ATP6V1H: variants seen among roughly 807,000 people sequenced by gnomAD.
ATP6V1H encodes V-type proton ATPase subunit H.
ATP6V1H carries 39 observed loss-of-function variants against 71.7 expected under a neutral mutation model. The ratio of observed to expected loss-of-function variants is 0.54; its 90% confidence interval spans 0.42 to 0.71. ATP6V1H has a LOEUF of 0.71. ATP6V1H is among the 30% of genes least tolerant of loss of function. The probability of loss-of-function intolerance (pLI) is 0.00; values close to 1 mark genes in which losing one functional copy is unlikely to be tolerated. For missense variants in ATP6V1H, 509 were observed against 594.9 expected (o/e 0.86, Z 1.50); for synonymous variants, 192 against 199.3 (o/e 0.96, Z 0.31).
intron 10 of ATP6V1H, among the ~76,000 whole-genome samples, chr8:53,771,410 C>T (rs1002382088): frequency 6.6e-6 from 1 of 152,052 alleles, no homozygotes; most frequent in African/African-American, 2.4e-5. Context: ...ATATGCAGAG[C>T]CCAATTTGTG....
chr8:53,754,850 G>A (rs1807941516), intron 12 of ATP6V1H, among the ~76,000 whole-genome samples: 1 of 152,122 alleles, frequency 6.6e-6, no homozygotes, highest in Non-Finnish European at 1.5e-5. Context: ...TCAAATAATT[G>A]AGTCCTTATT....
At chr8:53,768,450 A>T (rs1247215162) in intron 11 of ATP6V1H, among the ~76,000 whole-genome samples, 1 of 152,220 alleles carries the variant, frequency 6.6e-6, no homozygotes, top group East Asian at 1.9e-4. Context: ...ACAGCAAGAC[A>T]AATGAAAACA....
intron 2 of ATP6V1H, among the ~76,000 whole-genome samples, chr8:53,837,277 G>C (rs1811188156): frequency 6.6e-6 from 1 of 152,084 alleles, no homozygotes; most frequent in Non-Finnish European, 1.5e-5. Flanking sequence ...ACCAATTCCT[G>C]ATAAGCACAA....
chr8:53,766,721 A>G (rs191908335), intron 11 of ATP6V1H, among the ~76,000 whole-genome samples: 1 of 152,168 alleles, frequency 6.6e-6, no homozygotes. Flanking sequence ...CAGAGGTGAA[A>G]TAAACTCCAG....
intron 11 of ATP6V1H, among the ~76,000 whole-genome samples, chr8:53,758,118 T>A (rs1434408592): frequency 6.6e-6 from 1 of 152,236 alleles, no homozygotes; most frequent in African/African-American, 2.4e-5. Context: ...TATTAATATT[T>A]TTAACATTTC....
At chr8:53,764,913 A>G (rs1297676463) in intron 11 of ATP6V1H, among the ~76,000 whole-genome samples, 2 of 152,128 alleles carry the variant, frequency 1.3e-5, no homozygotes, top group Admixed American at 1.3e-4. Context: ...AACCTGTGCA[A>G]CAGAGTGACA....
intron 4 of ATP6V1H, among the ~76,000 whole-genome samples, chr8:53,825,401 A>G (rs1810793598): frequency 6.6e-6 from 1 of 151,992 alleles, no homozygotes; most frequent in African/African-American, 2.4e-5. Context: ...AACACCAACA[A>G]ACTTTTTCAT....
chr8:53,747,086 C>T (rs1807627989), intron 12 of ATP6V1H, among the ~76,000 whole-genome samples: 1 of 152,130 alleles, frequency 6.6e-6, no homozygotes, highest in African/African-American at 2.4e-5. Flanking sequence ...ACATACAGAA[C>T]TATTTTTGTT....
At chr8:53,718,382 C>A (rs868349109) in intron 13 of ATP6V1H, among the ~76,000 whole-genome samples, 79 of 135,078 alleles carry the variant, frequency 5.8e-4, no homozygotes, top group South Asian at 3.3e-3. Context: ...CTCTCCTACA[C>A]AATTTTTTTT....
intron 13 of ATP6V1H, among the ~76,000 whole-genome samples, chr8:53,719,535 G>A (rs571782418): frequency 6.6e-6 from 1 of 152,292 alleles, no homozygotes; most frequent in East Asian, 1.9e-4. Context: ...CAAGACTGGG[G>A]GACACAAGCC....
chr8:53,828,512 C>A (rs1341999498), intron 4 of ATP6V1H, among the ~76,000 whole-genome samples: 2 of 152,170 alleles, frequency 1.3e-5, no homozygotes, highest in East Asian at 3.9e-4. Context: ...ACAAGATAAC[C>A]ATGGCAGATC....
At chr8:53,767,050 T>C (rs1242302031) in intron 11 of ATP6V1H, among the ~76,000 whole-genome samples, 5 of 152,128 alleles carry the variant, frequency 3.3e-5, no homozygotes. Context: ...GCATCACGGA[T>C]CCTACCAACG....
At chr8:53,733,018 G>A (rs910510656) in intron 13 of ATP6V1H, among the ~76,000 whole-genome samples, 1 of 152,200 alleles carries the variant, frequency 6.6e-6, no homozygotes, top group African/African-American at 2.4e-5. Flanking sequence ...ACAAGGACGG[G>A]CATATGGTAG....
intron 12 of ATP6V1H, chr8:53,756,272 T>A: frequency 5.0e-6 from 1 of 201,980 alleles, no homozygotes. Flanking sequence ...GTATTTTTAG[T>A]AGAGAAGGGG....
At chr8:53,729,152 G>C (rs1806924968) in intron 13 of ATP6V1H, among the ~76,000 whole-genome samples, 1 of 152,122 alleles carries the variant, frequency 6.6e-6, no homozygotes, top group South Asian at 2.1e-4. Context: ...ACAAACATAA[G>C]AGACTAGCAC....
chr8:53,790,935 T>A (rs1809545916), intron 9 of ATP6V1H, among the ~76,000 whole-genome samples: 1 of 152,234 alleles, frequency 6.6e-6, no homozygotes, highest in Admixed American at 6.5e-5. Context: ...TGTATCTTTT[T>A]AACCATAAAA....
At chr8:53,750,574 G>GT (rs1259839636) in intron 12 of ATP6V1H, among the ~76,000 whole-genome samples, 1 of 152,128 alleles carries the variant, frequency 6.6e-6, no homozygotes, top group African/African-American at 2.4e-5. Context: ...ATCTAAAAAT[G>GT]TATCAGTGGA....
At chr8:53,718,401 T>TTTG (rs1806500358) in intron 13 of ATP6V1H, among the ~76,000 whole-genome samples, 12 of 151,336 alleles carry the variant, frequency 7.9e-5, no homozygotes, top group Admixed American at 5.9e-4. Context: ...TTTTTTTTTT[T>TTTG]TTTTTGAGAC....
intron 12 of ATP6V1H, among the ~76,000 whole-genome samples, chr8:53,744,642 G>A (rs945943842): frequency 1.3e-5 from 2 of 152,082 alleles, no homozygotes; most frequent in East Asian, 1.9e-4. Context: ...GATGGGGGTC[G>A]GAGTGAGAGG....
Sources: allele counts gnomAD v4.1 joint callset (sites outside exome capture counted in the v4.1 genomes callset), GRCh38; gene constraint gnomAD v4.1.1; transcripts MANE v1.5; gene names NCBI Gene and HGNC (gene_info 2026-07-23, HGNC 2026-07-21).